ZNF81: variants seen among roughly 807,000 people sequenced by gnomAD.
The protein encoded by ZNF81 is zinc finger protein 81.
ZNF81 carries 5 observed loss-of-function variants against 32.3 expected under a neutral mutation model. The ratio of observed to expected loss-of-function variants is 0.15; its 90% CI spans 0.08 to 0.33. The LOEUF (loss-of-function observed/expected upper bound fraction) is 0.33. Ranked by LOEUF, ZNF81 falls within the 10% of genes least tolerant of loss-of-function variation. ZNF81 has a pLI of 1.00. For synonymous variants in ZNF81, 163 were observed against 166.8 expected (o/e 0.98, Z 0.17); for missense variants, 379 against 479.8 (o/e 0.79, Z 1.96).
intron 4 of ZNF81, among the ~76,000 whole-genome samples, chrX:47,896,749 G>A (rs1184285812): frequency 2.7e-5 from 3 of 111,245 alleles, no homozygotes; most frequent in African/African-American, 9.8e-5. Flanking sequence ...AGTACACACA[G>A]CCCCAGGCAA....
intron 1 of ZNF81, among the ~76,000 whole-genome samples, chrX:47,844,336 C>G (rs1422608802): frequency 2.7e-5 from 3 of 111,060 alleles, no homozygotes; most frequent in African/African-American, 9.9e-5. Context: ...CCACCTCATA[C>G]TCCCAGCCCT....
At chrX:47,858,557 C>T (rs1224548521) in intron 2 of ZNF81, among the ~76,000 whole-genome samples, 1 of 111,264 alleles carries the variant, frequency 9.0e-6, no homozygotes, top group Admixed American at 9.5e-5. Context: ...TGTCTTGTTT[C>T]ATTCTTTTGC....
At chrX:47,867,666 G>A (rs1448833544) in intron 2 of ZNF81, among the ~76,000 whole-genome samples, 1 of 112,234 alleles carries the variant, frequency 8.9e-6, no homozygotes, top group Non-Finnish European at 1.9e-5. Context: ...CTTACCAGTG[G>A]TGAATGGTTA....
intron 2 of ZNF81, among the ~76,000 whole-genome samples, chrX:47,867,517 C>G (rs782808760): frequency 4.3e-4 from 48 of 111,701 alleles, no homozygotes; most frequent in Non-Finnish European, 8.3e-4. Flanking sequence ...CCATTTCTAC[C>G]TTTCTTTGGG....
chrX:47,924,769 C>T lies in ZNF81; in HGVS notation c.*8137C>T, dbSNP rs2058786203. 9.0e-6 allele frequency among the ~76,000 whole-genome samples: 1 copy of T among 110,794 alleles called. No homozygotes were observed. Among genetic ancestry groups the T allele is most frequent in the South Asian group, 3.8e-4 (1 of 2,619 alleles). ...AATGTCTCCCTCCCTGGAGACTTTCCCAGAGAAGATTTGGTTGCATTCCAG... is the reference window on the plus strand; with the variant it reads ...AATGTCTCCCTCCCTGGAGACTTTCTCAGAGAAGATTTGGTTGCATTCCAG... On this transcript the variant is annotated 3_prime_UTR_variant, in exon 5 of 5. Coordinates refer to ENST00000338637, the MANE Select transcript of ZNF81 (RefSeq NM_007137.5).
intron 4 of ZNF81, among the ~76,000 whole-genome samples, 153 bp downstream of exon 4, chrX:47,896,093 T>C (rs782563926): frequency 8.9e-6 from 1 of 111,800 alleles, no homozygotes; most frequent in South Asian, 3.8e-4. Context: ...GGGTGCCAAA[T>C]TGTTCTCTCC....
At chrX:47,866,873 C>A (rs1399506862) in intron 2 of ZNF81, among the ~76,000 whole-genome samples, 2 of 111,493 alleles carry the variant, frequency 1.8e-5, no homozygotes, top group African/African-American at 6.5e-5. Flanking sequence ...CAATGATAGA[C>A]TAGATAAAGA....
chrX:47,898,613 A>T (rs1556887522), intron 4 of ZNF81, among the ~76,000 whole-genome samples: 1 of 111,928 alleles, frequency 8.9e-6, no homozygotes, highest in Admixed American at 9.5e-5. Flanking sequence ...AAAAAAGCCT[A>T]CTGGGATTTT....
chrX:47,889,541 C>T (rs782303110), intron 3 of ZNF81, among the ~76,000 whole-genome samples: 1 of 111,775 alleles, frequency 8.9e-6, no homozygotes, highest in Non-Finnish European at 1.9e-5. Context: ...GGGGCAGGGC[C>T]AAGGTTGCAG....
At chrX:47,904,066 T>G (rs1405756510) in intron 4 of ZNF81, among the ~76,000 whole-genome samples, 1 of 111,630 alleles carries the variant, frequency 9.0e-6, no homozygotes, top group Non-Finnish European at 1.9e-5. Flanking sequence ...TAATTCAAGA[T>G]GGATTAAAGA....
intron 1 of ZNF81, chrX:47,841,003 C>T (rs1321949426): frequency 1.7e-5 from 14 of 804,828 alleles, no homozygotes; most frequent in Middle Eastern, 4.2e-4. Context: ...GTGTTCACCC[C>T]GATAGCCAGG....
intron 4 of ZNF81, among the ~76,000 whole-genome samples, chrX:47,900,696 A>G (rs1429172525): frequency 9.0e-6 from 1 of 111,464 alleles, no homozygotes; most frequent in Non-Finnish European, 1.9e-5. Flanking sequence ...TTCTTATCAC[A>G]GCAGGCAATT....
intron 2 of ZNF81, among the ~76,000 whole-genome samples, chrX:47,886,088 C>T (rs781970952): frequency 1.8e-5 from 2 of 112,115 alleles, no homozygotes; most frequent in African/African-American, 3.2e-5. Flanking sequence ...TCATTATGAA[C>T]ATATTTGTAT....
At position 47,918,074 on chromosome X, in the gene ZNF81, A is replaced by C. The variant is rs186708234; in HGVS notation, c.*1442A>C. On this transcript the variant is annotated 3_prime_UTR_variant, in exon 5 of 5. Transcript: ENST00000338637. The stretch of plus-strand genomic sequence containing the variant: ...AACGAACTGGTGGATCTGGCTAAGG[A>C]GATTTGCAGCAGAATATGGGAAGTA... 101 of 111,375 alleles carry C rather than the reference A, an allele frequency of 9.1e-4. No homozygotes were observed. Among genetic ancestry groups the C allele is most frequent in the African/African-American group, 3.1e-3 (96 of 30,706 alleles). 9.2% of individuals were successfully genotyped at this position (111,375 alleles called of 1,213,427 possible).
chrX:47,847,365 C>A (rs1173948772), intron 2 of ZNF81, among the ~76,000 whole-genome samples: 1 of 111,712 alleles, frequency 9.0e-6, no homozygotes, highest in Non-Finnish European at 1.9e-5. Context: ...CAGGTCCAAG[C>A]CGCCATGCCC....
At chrX:47,909,759 TC>T (rs1419166205) in intron 4 of ZNF81, among the ~76,000 whole-genome samples, 1 of 50,435 alleles carries the variant, frequency 2.0e-5, no homozygotes, top group African/African-American at 7.6e-5. Context: ...CCCTCCCCCC[TC>T]CCCCAACCCC....
At chrX:47,882,846 C>T (rs2058626243) in intron 2 of ZNF81, among the ~76,000 whole-genome samples, 1 of 111,973 alleles carries the variant, frequency 8.9e-6, no homozygotes, top group Non-Finnish European at 1.9e-5. Context: ...CAAAAATTAG[C>T]CGGGTGTGGT....
chrX:47,904,970 A>G (rs1556888870), intron 4 of ZNF81, among the ~76,000 whole-genome samples: 2 of 110,129 alleles, frequency 1.8e-5, no homozygotes, highest in Admixed American at 9.7e-5. Context: ...AGGACAAAAA[A>G]CCAAACACCA....
intron 3 of ZNF81, among the ~76,000 whole-genome samples, chrX:47,890,859 G>A (rs2058659862): frequency 8.9e-6 from 1 of 111,938 alleles, no homozygotes; most frequent in Admixed American, 9.5e-5. Flanking sequence ...ATCTCGACAT[G>A]CTCTATACCA....
Sources: allele counts gnomAD v4.1 joint callset (sites outside exome capture counted in the v4.1 genomes callset), GRCh38; gene constraint gnomAD v4.1.1; transcripts MANE v1.5; gene names NCBI Gene and HGNC (gene_info 2026-07-23, HGNC 2026-07-21).